C1GALT1: variants seen among roughly 807,000 people sequenced by gnomAD.
C1GALT1 encodes the protein glycoprotein-N-acetylgalactosamine 3-beta-galactosyltransferase 1.
In C1GALT1, 11 loss-of-function variants were observed where a neutral mutation model predicts 31.0. The observed-to-expected ratio is 0.36, with a 90% confidence interval of 0.22 to 0.59. C1GALT1 has a LOEUF of 0.59. Among genes scored for constraint, C1GALT1 ranks in the 20% least tolerant of loss-of-function variants. The pLI, the probability that C1GALT1 is intolerant of heterozygous loss-of-function variation, is 0.79. For synonymous variants in C1GALT1, 175 were observed against 143.6 expected (o/e 1.22, Z -1.56); for missense variants, 424 against 425.2 (o/e 1.00, Z 0.03).
chr7:7,163,849 C>T (rs1045528405), intron 2 of C1GALT1, among the ~76,000 whole-genome samples: 41 of 151,800 alleles, frequency 2.7e-4, no homozygotes, highest in African/African-American at 9.9e-4. Context: ...ATTCCATGCT[C>T]ATGGGTAGGA....
intron 1 of C1GALT1, among the ~76,000 whole-genome samples, chr7:7,229,056 GATAGAA>G (rs67112618): frequency 0.42 from 64,222 of 151,630 alleles, 14,337 homozygotes; most frequent in African/African-American, 0.56. Flanking sequence ...TCCATATGAT[GATAGAA>G]ATAGGAATTT....
chr7:7,182,984 C>A (rs1201631553), intron 1 of C1GALT1, among the ~76,000 whole-genome samples, 164 bp downstream of exon 1: 2 of 152,096 alleles, frequency 1.3e-5, no homozygotes, highest in Admixed American at 6.5e-5. Context: ...CGTCCGGGCT[C>A]CTGAGGAAGG....
chr7:7,226,419 G>C (rs567482870), intron 1 of C1GALT1, among the ~76,000 whole-genome samples: 33 of 152,008 alleles, frequency 2.2e-4, no homozygotes, highest in African/African-American at 7.7e-4. Flanking sequence ...TACACTCACT[G>C]ACTTCCCGAA....
chr7:7,210,230 C>A (rs1010961033), intron 1 of C1GALT1, among the ~76,000 whole-genome samples: 4 of 147,296 alleles, frequency 2.7e-5, no homozygotes, highest in African/African-American at 1.0e-4. Context: ...ATTTTCTGAA[C>A]CTGGAATTGT....
At chr7:7,177,449 T>C (rs1395516323) in intron 2 of C1GALT1, among the ~76,000 whole-genome samples, 2 of 152,166 alleles carry the variant, frequency 1.3e-5, no homozygotes, top group Non-Finnish European at 2.9e-5. Flanking sequence ...CGGTTATATA[T>C]ATGTTTGTTA....
At chr7:7,162,299 T>A (rs895919456) in intron 2 of C1GALT1, among the ~76,000 whole-genome samples, 4 of 122,884 alleles carry the variant, frequency 3.3e-5, no homozygotes, top group African/African-American at 1.3e-4. Flanking sequence ...CAGAGTGTGA[T>A]GTTCCCTTTC....
At chr7:7,211,713 GT>G (rs568385398) in intron 1 of C1GALT1, among the ~76,000 whole-genome samples, 182 of 152,266 alleles carry the variant, frequency 1.2e-3, no homozygotes, top group Non-Finnish European at 2.1e-3. Flanking sequence ...AAACCTTCGG[GT>G]TATGGATACC....
chr7:7,234,882 T>G (rs1026426505), intron 2 of C1GALT1: 1 of 163,964 alleles, frequency 6.1e-6, no homozygotes, highest in African/African-American at 2.4e-5. Flanking sequence ...AGCTTTTGCT[T>G]AAGTCTTGTT....
chr7:7,221,346 C>G (rs1782503476), intron 1 of C1GALT1, among the ~76,000 whole-genome samples: 1 of 152,128 alleles, frequency 6.6e-6, no homozygotes, highest in Admixed American at 6.5e-5. Flanking sequence ...TTTTTAAAAA[C>G]TGATACCTTG....
In C1GALT1 at chr7:7,240,088, A is replaced by G. The variant is rs147428743; in HGVS notation, c.888+1166A>G. ...TTCATGCTACTACTGTCATCTTCAT[A>G]AGGCAATGCTTTCAAATCATCATCT... is the stretch of plus-strand genomic sequence containing the variant. On this transcript the variant is annotated intron_variant, in intron 3 of 3. Coordinates refer to ENST00000436587, the MANE Select transcript of C1GALT1 (RefSeq NM_020156.5). 3.3e-5 allele frequency among the ~76,000 whole-genome samples: 5 copies of G among 152,298 alleles called. No individual in the cohort carries two copies. In the East Asian group the frequency reaches 9.7e-4, roughly 29 times the overall value.
chr7:7,195,873 T>G (rs1216063839), intron 1 of C1GALT1, among the ~76,000 whole-genome samples: 1 of 152,128 alleles, frequency 6.6e-6, no homozygotes, highest in African/African-American at 2.4e-5. Flanking sequence ...CATATATATT[T>G]AGGATTGTGA....
chr7:7,183,429 C>T (rs1780676324), intron 1 of C1GALT1: 1 of 206,224 alleles, frequency 4.8e-6, no homozygotes, highest in South Asian at 1.7e-4. Flanking sequence ...CTTTAAGTTT[C>T]CCTGCCGCAG....
rs536709482 is a variant in C1GALT1, at chr7:7,218,404, GTC to G, written c.-17-15895_-17-15894del. 1.1e-4 allele frequency among the ~76,000 whole-genome samples: 17 copies of G among 152,308 alleles called. No homozygotes were observed. In the East Asian group the frequency reaches 3.3e-3, roughly 29 times the overall value. On this transcript the variant is annotated intron_variant, in intron 1 of 3. Coordinates refer to ENST00000436587, the MANE Select transcript of C1GALT1 (RefSeq NM_020156.5). The stretch of plus-strand genomic sequence containing the variant: ...TTTTAAGACAGGACTGTTAGGTGAA[GTC>G]TCTATGGGGTTGTTTGCAGATAGTA...
chr7:7,218,792 T>C (rs1280072488), intron 1 of C1GALT1, among the ~76,000 whole-genome samples: 1 of 152,178 alleles, frequency 6.6e-6, no homozygotes, highest in African/African-American at 2.4e-5. Context: ...AACCTTGTAA[T>C]TGGGTTTAAA....
chr7:7,184,075 A>G (rs571370603), intron 1 of C1GALT1, among the ~76,000 whole-genome samples: 1 of 152,326 alleles, frequency 6.6e-6, no homozygotes, highest in East Asian at 1.9e-4. Context: ...TCACCCTCTT[A>G]GGTAAATGGC....
intron 1 of C1GALT1, 21 bp from the exon 2 acceptor site, chr7:7,234,282 T>G (rs752721656): frequency 2.4e-5 from 37 of 1,557,976 alleles, no homozygotes; most frequent in Non-Finnish European, 2.7e-5. Context: ...TATAACATCC[T>G]GCTAATTTTT....
intron 1 of C1GALT1, among the ~76,000 whole-genome samples, chr7:7,197,152 T>C (rs1340646280): frequency 2.0e-5 from 3 of 152,222 alleles, no homozygotes; most frequent in Non-Finnish European, 4.4e-5. Context: ...CTAGGTTTTC[T>C]TACAGGGTTT....
intron 1 of C1GALT1, chr7:7,210,699 A>G (rs187107787): frequency 6.6e-6 from 1 of 152,110 alleles, no homozygotes; most frequent in Non-Finnish European, 1.5e-5. Flanking sequence ...GTCTTTTAAT[A>G]TGCAAATACA....
At chr7:7,205,015 GA>G (rs1489873369) in intron 1 of C1GALT1, among the ~76,000 whole-genome samples, 1 of 152,186 alleles carries the variant, frequency 6.6e-6, no homozygotes, top group African/African-American at 2.4e-5. Context: ...TTGTTAGGCA[GA>G]ATGTTCAGTC....
Sources: gnomAD v4.1 joint callset for allele counts (sites outside exome capture counted in the v4.1 genomes callset) on GRCh38, gnomAD v4.1.1 for gene constraint, MANE v1.5 for transcripts, NCBI Gene and HGNC (gene_info 2026-07-23, HGNC 2026-07-21) for gene names.